RPTOR: variants seen among roughly 807,000 people sequenced by gnomAD.
RPTOR encodes the protein regulatory-associated protein of mTOR.
Under a neutral mutation model 169.9 loss-of-function variants are expected in RPTOR, and 21 were observed. That is an observed-to-expected ratio of 0.12 (90% CI 0.09 to 0.18). The LOEUF (loss-of-function observed/expected upper bound fraction) is 0.18. Among genes scored for constraint, RPTOR ranks in the 10% least tolerant of loss-of-function variants. The pLI is 1.00. For synonymous variants in RPTOR, 732 were observed against 753.2 expected (o/e 0.97, Z 0.46); for missense variants, 1,133 against 1,855.9 (o/e 0.61, Z 7.16).
intron 5 of RPTOR, among the ~76,000 whole-genome samples, chr17:80,737,450 G>A (rs965553281): frequency 6.6e-6 from 1 of 152,156 alleles, no homozygotes. Flanking sequence ...GCAGGGGGGC[G>A]GTGGTGGAGG....
intron 1 of RPTOR, among the ~76,000 whole-genome samples, chr17:80,550,672 T>C (rs761642828): frequency 1.1e-4 from 16 of 152,174 alleles, no homozygotes; most frequent in Non-Finnish European, 2.1e-4. Context: ...CTTAATTCTT[T>C]CCTCTCCCTC....
intron 3 of RPTOR, among the ~76,000 whole-genome samples, chr17:80,655,108 C>A (rs2065669670): frequency 6.6e-6 from 1 of 152,200 alleles, no homozygotes; most frequent in African/African-American, 2.4e-5. Context: ...AATTTAGAGA[C>A]AGAGCCTTGC....
At chr17:80,552,969 G>A (rs188199437) in intron 1 of RPTOR, among the ~76,000 whole-genome samples, 63 of 152,270 alleles carry the variant, frequency 4.1e-4, no homozygotes, top group African/African-American at 1.4e-3. Flanking sequence ...TGTGCACTGG[G>A]GCTTCTCCTA....
chr17:80,912,725 C>T (rs2068627462), intron 21 of RPTOR, among the ~76,000 whole-genome samples: 1 of 152,168 alleles, frequency 6.6e-6, no homozygotes, highest in Non-Finnish European at 1.5e-5. Flanking sequence ...CACGGTAAGG[C>T]AGTTAAGCAC....
intron 1 of RPTOR, among the ~76,000 whole-genome samples, chr17:80,592,206 G>A (rs1302320749): frequency 2.0e-5 from 3 of 152,222 alleles, no homozygotes; most frequent in African/African-American, 7.2e-5. Context: ...GAGGAGGAGA[G>A]CAGTAGATTA....
At chr17:80,777,619 A>T (rs892334374) in intron 6 of RPTOR, among the ~76,000 whole-genome samples, 3 of 150,758 alleles carry the variant, frequency 2.0e-5, no homozygotes, top group South Asian at 2.1e-4. Context: ...CATCTTATCT[A>T]TTTTGTTGTT....
At position 80,750,652 on chromosome 17, in the gene RPTOR, A is replaced by T. The variant is rs573642297; in HGVS notation, c.655-3358A>T. ...CGTTCCTGGACCCATCATCTGGCTT[A>T]GTGGGCCTGTCACAGCAGACCTGGA... On this transcript the variant is annotated intron_variant, in intron 5 of 33. Transcript: ENST00000306801. Among the ~76,000 whole-genome samples, 3 of 152,352 alleles carry T rather than the reference A, an allele frequency of 2.0e-5. No homozygotes were observed. The South Asian group carries it at 6.2e-4, about 32-fold the overall frequency.
At chr17:80,874,397 G>T (rs1352497903) in intron 13 of RPTOR, among the ~76,000 whole-genome samples, 1 of 152,116 alleles carries the variant, frequency 6.6e-6, no homozygotes, top group African/African-American at 2.4e-5. Context: ...GGGTTTCACC[G>T]TGTTAGCCAG....
intron 1 of RPTOR, among the ~76,000 whole-genome samples, chr17:80,614,926 C>T (rs12951779): frequency 0.19 from 28,777 of 152,160 alleles, 3,110 homozygotes; most frequent in East Asian, 0.27. Context: ...TGTTATTTCA[C>T]GTTGATATTT....
At chr17:80,859,594 G>T (rs2143759854) in intron 13 of RPTOR, among the ~76,000 whole-genome samples, 1 of 152,188 alleles carries the variant, frequency 6.6e-6, no homozygotes, top group African/African-American at 2.4e-5. Flanking sequence ...GGAGGAGCCG[G>T]CATCAGGGCA....
At chr17:80,682,614 C>T (rs1367600560) in intron 3 of RPTOR, among the ~76,000 whole-genome samples, 3 of 152,196 alleles carry the variant, frequency 2.0e-5, no homozygotes, top group Admixed American at 2.0e-4. Context: ...TGGAAGAGGC[C>T]GGAATGGATT....
intron 25 of RPTOR, among the ~76,000 whole-genome samples, chr17:80,944,859 C>G (rs1011482604): frequency 6.6e-6 from 1 of 151,980 alleles, no homozygotes; most frequent in African/African-American, 2.4e-5. Flanking sequence ...GGCGTGGTGG[C>G]GGATGCCTGT....
Position 80,643,728 on chromosome 17 carries a change from A to G in RPTOR, c.266A>G (p.Asp89Gly), listed in dbSNP as rs767364543. Reference protein sequence around the residue: ...TPCARLECWIDPLSMGPQKAL... With the variant: ...TPCARLECWIGPLSMGPQKAL... The stretch of plus-strand genomic sequence containing the variant: ...TTTCTCTTTTCCATTGCTTCCTCAG[A>G]TCCTCTGTCGATGGGTCCTCAGAAA... Residue 89 changes from aspartate to glycine, a missense_variant and splice_region_variant, in exon 3 of 34, where the codon GAT becomes GGT. Around this residue, in one of 9 missense-constraint regions of RPTOR, gnomAD observed 74 missense variants for 168.3 expected, o/e 0.44. Transcript: ENST00000306801. 1 of 1,612,628 alleles carries G rather than the reference A, an allele frequency of 6.2e-7. No individual in the cohort carries two copies. The highest frequency in any genetic ancestry group is 8.5e-7 in the Non-Finnish European group (1 of 1,179,156).
At position 80,963,128 on chromosome 17, in the gene RPTOR, G is replaced by A. The variant is rs1359583514; in HGVS notation, c.3939+71G>A. 6.6e-6 allele frequency: 9 copies of A among 1,369,464 alleles called. No individual in the cohort carries two copies. The East Asian group carries it at 2.0e-4, about 30-fold the overall frequency. The allele number at this position is 1,369,464 out of a possible 1,614,324, so 84.8% of individuals were successfully genotyped here. A position where few individuals can be genotyped will look rare whatever the true frequency, so the allele number is the denominator to read the frequency against. On this transcript the variant is annotated intron_variant, in intron 33 of 33. Transcript: ENST00000306801. ...GAGGGATGGGAGGCAAGGGGACAAG[G>A]CAGCAGGGGTCCTGCCTGGCTACCC...
intron 2 of RPTOR, among the ~76,000 whole-genome samples, chr17:80,630,261 G>A (rs937902410): frequency 6.6e-6 from 1 of 152,224 alleles, no homozygotes; most frequent in African/African-American, 2.4e-5. Context: ...GCTGGACATT[G>A]TGTGTAGAAG....
chr17:80,933,528 T>C (rs1462110554), intron 24 of RPTOR, among the ~76,000 whole-genome samples: 1 of 152,180 alleles, frequency 6.6e-6, no homozygotes, highest in Non-Finnish European at 1.5e-5. Context: ...AAGACTAACA[T>C]TAAGTTGGCA....
intron 13 of RPTOR, among the ~76,000 whole-genome samples, chr17:80,874,222 CA>C (rs1024240177): frequency 1.0e-4 from 15 of 148,188 alleles, no homozygotes; most frequent in Admixed American, 2.7e-4. Flanking sequence ...TTTTTTTAGA[CA>C]GTCTTGCTCT....
intron 13 of RPTOR, among the ~76,000 whole-genome samples, chr17:80,880,127 A>G (rs1466604523): frequency 1.3e-5 from 2 of 152,164 alleles, no homozygotes; most frequent in African/African-American, 4.8e-5. Flanking sequence ...AGCGGGGTGC[A>G]GGCAGGGGCT....
intron 3 of RPTOR, among the ~76,000 whole-genome samples, chr17:80,674,810 A>C (rs8080858): frequency 0.29 from 37,349 of 129,478 alleles, 6,134 homozygotes; most frequent in East Asian, 0.36. Context: ...AAAAAAAAAA[A>C]AAAAAAAAAA....
Sources: allele counts gnomAD v4.1 joint callset (sites outside exome capture counted in the v4.1 genomes callset), GRCh38; gene constraint gnomAD v4.1.1; regional missense constraint gnomAD v4.1.1; transcripts MANE v1.5; gene names NCBI Gene and HGNC (gene_info 2026-07-23, HGNC 2026-07-21).